PKNOX1: variants seen among roughly 807,000 people sequenced by gnomAD.
PKNOX1 encodes the protein PBX/knotted 1 homeobox 1.
PKNOX1 carries 15 observed loss-of-function variants against 51.9 expected under a neutral mutation model. The observed-to-expected ratio is 0.29, with a 90% confidence interval of 0.19 to 0.45. PKNOX1 has a LOEUF of 0.45. Ranked by LOEUF, PKNOX1 falls within the 20% of genes least tolerant of loss-of-function variation. PKNOX1 has a pLI of 1.00. For synonymous variants in PKNOX1, 219 were observed against 211.1 expected (o/e 1.04, Z -0.32); for missense variants, 462 against 547.5 (o/e 0.84, Z 1.56).
intron 1 of PKNOX1, among the ~76,000 whole-genome samples, chr21:42,991,742 AAAAAC>A (rs1411954584): frequency 3.3e-5 from 5 of 152,300 alleles, no homozygotes; most frequent in East Asian, 1.9e-4. Context: ...TCAAAAAAAA[AAAAAC>A]AAACCAAAAA....
At chr21:43,027,684 C>T (rs1179084599) in intron 9 of PKNOX1, among the ~76,000 whole-genome samples, 1 of 151,624 alleles carries the variant, frequency 6.6e-6, no homozygotes, top group Admixed American at 6.6e-5. Flanking sequence ...CTTTCGGAGA[C>T]CAAGGCAGGC....
chr21:42,975,942 G>C (rs986885283), intron 1 of PKNOX1, among the ~76,000 whole-genome samples: 2 of 152,222 alleles, frequency 1.3e-5, no homozygotes, highest in Non-Finnish European at 2.9e-5. Flanking sequence ...AGGAAGAATC[G>C]AGGTGAAATG....
chr21:43,032,810 C>T lies in PKNOX1; in HGVS notation c.*2709C>T, dbSNP rs1341292975. On this transcript the variant is annotated 3_prime_UTR_variant, in exon 11 of 11. Transcript: ENST00000291547. ...CACTTAGAGAAAGGGTGCTTATGGACATAGCCTGAGTTTCCTTTAACCTCT... is the reference window on the plus strand; with the variant it reads ...CACTTAGAGAAAGGGTGCTTATGGATATAGCCTGAGTTTCCTTTAACCTCT... 6.6e-6 allele frequency: 1 copy of T among 152,194 alleles called. No individual in the cohort carries two copies. Among genetic ancestry groups the T allele is most frequent in the Non-Finnish European group, 1.5e-5 (1 of 68,064 alleles). 9.4% of individuals were successfully genotyped at this position (152,194 alleles called of 1,614,324 possible).
chr21:43,009,202 C>T (rs995680998), intron 3 of PKNOX1, among the ~76,000 whole-genome samples: 3 of 152,124 alleles, frequency 2.0e-5, no homozygotes, highest in Non-Finnish European at 4.4e-5. Context: ...AATCCCAGCA[C>T]TTTGGGAGGC....
At chr21:42,996,436 G>C (rs1406124687) in intron 1 of PKNOX1, among the ~76,000 whole-genome samples, 2 of 143,812 alleles carry the variant, frequency 1.4e-5, no homozygotes, top group African/African-American at 5.0e-5. Flanking sequence ...CACTCGGGGA[G>C]TCCCAATCTC....
intron 1 of PKNOX1, among the ~76,000 whole-genome samples, chr21:42,997,494 A>G (rs1402148111): frequency 6.6e-6 from 1 of 152,260 alleles, no homozygotes; most frequent in African/African-American, 2.4e-5. Flanking sequence ...CAAGCAAATT[A>G]TGTGTCCAAA....
In PKNOX1 at chr21:43,021,614, A is replaced by G. The variant is rs1434444351; in HGVS notation, c.849+183A>G. ...ACTGCTGCAGGGAACTTGAAGGGCA[A>G]TGAGGGCTGCCGTGAAGGAGCACCC... On this transcript the variant is annotated intron_variant, in intron 8 of 10. Transcript: ENST00000291547. This position sits in a 1 kb window ranked among gnomAD's most constrained non-coding sequence, Gnocchi z 4.6. 2.6e-5 allele frequency among the ~76,000 whole-genome samples: 4 copies of G among 152,208 alleles called. No homozygotes were observed. The highest frequency in any genetic ancestry group is 2.6e-4 in the Admixed American group (4 of 15,278).
At chr21:42,992,888 T>C (rs145538062) in intron 1 of PKNOX1, among the ~76,000 whole-genome samples, 160 of 138,150 alleles carry the variant, frequency 1.2e-3, no homozygotes, top group Middle Eastern at 3.8e-3. Flanking sequence ...TTTGATATCA[T>C]TGCGAGCTTC....
chr21:42,994,775 ACACT>A (rs1317346555), intron 1 of PKNOX1, among the ~76,000 whole-genome samples: 2 of 152,160 alleles, frequency 1.3e-5, no homozygotes, highest in Admixed American at 1.3e-4. Context: ...CATCAAAATA[ACACT>A]CAATCTCTAA....
At position 43,021,281 on chromosome 21, in the gene PKNOX1, T is replaced by A. The variant is rs774533995; in HGVS notation, c.721-22T>A. 24 of 1,573,840 alleles carry A rather than the reference T, an allele frequency of 1.5e-5. No homozygotes were observed. The East Asian group carries it at 5.2e-4, about 34-fold the overall frequency. The stretch of plus-strand genomic sequence containing the variant: ...TGTGAGAATTTCCTATGCTTTCTAA[T>A]GTTATTTTTCAACTTTAAAAGCTTC... On this transcript the variant is annotated intron_variant, in intron 7 of 10. Transcript: ENST00000291547. This position sits in a 1 kb window ranked among gnomAD's most constrained non-coding sequence, Gnocchi z 4.6.
intron 1 of PKNOX1, among the ~76,000 whole-genome samples, chr21:42,977,190 C>A (rs925958220): frequency 6.6e-6 from 1 of 152,154 alleles, no homozygotes; most frequent in Non-Finnish European, 1.5e-5. Context: ...TAACATAATT[C>A]TTCAGAACCC....
chr21:42,995,774 C>T (rs79940036), intron 1 of PKNOX1, among the ~76,000 whole-genome samples: 2 of 152,100 alleles, frequency 1.3e-5, no homozygotes, highest in African/African-American at 2.4e-5. Context: ...TAGCATCCAT[C>T]GATGATTCCT....
intron 1 of PKNOX1, among the ~76,000 whole-genome samples, chr21:42,998,519 T>C (rs577445425): frequency 6.6e-6 from 1 of 152,342 alleles, no homozygotes; most frequent in African/African-American, 2.4e-5. Context: ...AAGTCTCATC[T>C]GAGATAAGGC....
In PKNOX1 at chr21:43,020,905, A is replaced by G. The variant is rs563055038; in HGVS notation, c.721-398A>G. On this transcript the variant is annotated intron_variant, in intron 7 of 10. Transcript: ENST00000291547. The stretch of plus-strand genomic sequence containing the variant: ...CAAGTCACTAGTGCAAAGACTTATC[A>G]TGTGCCAGCCTGGGCAACAGGGCGA... 3.3e-5 allele frequency among the ~76,000 whole-genome samples: 5 copies of G among 152,278 alleles called. No individual in the cohort carries two copies. The South Asian group carries it at 8.3e-4, about 25-fold the overall frequency.
At position 43,007,605 on chromosome 21, in the gene PKNOX1, C is replaced by A. The variant is rs1348773915; in HGVS notation, c.166C>A (p.Gln56Lys). Reference sequence around the variant, plus strand: ...TCAGACCCCGATGGATGTGGACAAGCAGGCCATTTATAGGTAGTGCCCGGG... The same window carrying A: ...TCAGACCCCGATGGATGTGGACAAGAAGGCCATTTATAGGTAGTGCCCGGG... ...ESQTPMDVDK[Q>K]AIYRHPLFPL... Residue 56 changes from glutamine to lysine, a missense_variant, in exon 3 of 11, where the codon CAG (glutamine) becomes AAG (lysine). Gln to Lys is a moderately conservative substitution (Grantham distance 53). Coordinates refer to ENST00000291547, the MANE Select transcript of PKNOX1 (RefSeq NM_004571.5). The A allele has an allele frequency of 1.2e-6, 2 of 1,614,038 alleles. No homozygotes were observed. The highest frequency in any genetic ancestry group is 2.7e-5 in the African/African-American group (2 of 74,920).
chr21:42,987,933 AC>A (rs1359102573), intron 1 of PKNOX1, among the ~76,000 whole-genome samples: 1 of 151,164 alleles, frequency 6.6e-6, no homozygotes, highest in Non-Finnish European at 1.5e-5. Context: ...ATTTTTAAAG[AC>A]CTGTAAAGAA....
intron 7 of PKNOX1, among the ~76,000 whole-genome samples, chr21:43,018,559 G>A (rs1051884930): frequency 3.5e-5 from 5 of 142,220 alleles, no homozygotes; most frequent in Non-Finnish European, 7.5e-5. Context: ...TCATGTGCAC[G>A]TGCACCAGGG....
intron 1 of PKNOX1, among the ~76,000 whole-genome samples, chr21:42,976,448 T>G (rs956684978): frequency 6.6e-6 from 1 of 152,200 alleles, no homozygotes; most frequent in Non-Finnish European, 1.5e-5. Context: ...ATTGATGGAC[T>G]CCTCCTTTCA....
intron 1 of PKNOX1, among the ~76,000 whole-genome samples, chr21:42,996,306 T>TG (rs1568892980): frequency 6.6e-6 from 1 of 151,440 alleles, no homozygotes; most frequent in Non-Finnish European, 1.5e-5. Flanking sequence ...GGAGCAGGAG[T>TG]GGGGGCCATG....
Sources: allele counts gnomAD v4.1 joint callset (sites outside exome capture counted in the v4.1 genomes callset), GRCh38; gene constraint gnomAD v4.1.1; non-coding constraint Gnocchi (gnomAD v3.1); transcripts MANE v1.5; gene names NCBI Gene and HGNC (gene_info 2026-07-23, HGNC 2026-07-21).